FSHR: variants seen among roughly 807,000 people sequenced by gnomAD.
The protein encoded by FSHR is follicle-stimulating hormone receptor.
FSHR carries 46 observed loss-of-function variants against 52.1 expected under a neutral mutation model. That is an observed-to-expected ratio of 0.88 (90% CI 0.70 to 1.13). The LOEUF (loss-of-function observed/expected upper bound fraction) is 1.13. Among genes scored for constraint, FSHR ranks in the 50% most tolerant of loss-of-function variants. The probability of loss-of-function intolerance (pLI) is 0.00; values close to 1 mark genes in which losing one functional copy is unlikely to be tolerated. For synonymous variants in FSHR, 399 were observed against 309.6 expected, an observed-to-expected ratio of 1.29 and a Z score of -3.03; for missense variants, 964 against 834.6, an observed-to-expected ratio of 1.16 and a Z score of -1.91.
At chr2:49,100,916 G>T (rs1283546295) in intron 1 of FSHR, among the ~76,000 whole-genome samples, 1 of 152,176 alleles carries the variant, frequency 6.6e-6, no homozygotes, top group Non-Finnish European at 1.5e-5. Context: ...TGATCAGGGA[G>T]CTTCAAGGAG....
chr2:49,073,398 C>T (rs1477469270), intron 1 of FSHR, among the ~76,000 whole-genome samples: 1 of 151,956 alleles, frequency 6.6e-6, no homozygotes, highest in East Asian at 1.9e-4. Flanking sequence ...AGTAGCATTT[C>T]AATACATAAA....
intron 1 of FSHR, among the ~76,000 whole-genome samples, chr2:49,077,738 A>G (rs1670000284): frequency 1.3e-5 from 2 of 152,194 alleles, no homozygotes; most frequent in African/African-American, 2.4e-5. Flanking sequence ...TTCTTCCACC[A>G]GATACCCTAC....
At chr2:48,973,405 A>G (rs954030207) in intron 8 of FSHR, among the ~76,000 whole-genome samples, 5 of 152,230 alleles carry the variant, frequency 3.3e-5, no homozygotes, top group Non-Finnish European at 7.3e-5. Flanking sequence ...CATTGCATGG[A>G]TCAGGGCCAG....
chr2:48,969,388 A>G (rs1559077700), intron 8 of FSHR, among the ~76,000 whole-genome samples: 1 of 152,238 alleles, frequency 6.6e-6, no homozygotes, highest in Non-Finnish European at 1.5e-5. Flanking sequence ...GGGCAGTGTT[A>G]GCACAAAGTC....
At chr2:48,999,527 A>T (rs561119273) in intron 4 of FSHR, among the ~76,000 whole-genome samples, 63 of 152,234 alleles carry the variant, frequency 4.1e-4, no homozygotes, top group South Asian at 3.7e-3. Context: ...CTCTGCAACC[A>T]TAGAATTACT....
At chr2:48,973,316 C>T (rs936831436) in intron 8 of FSHR, among the ~76,000 whole-genome samples, 16 of 149,414 alleles carry the variant, frequency 1.1e-4, no homozygotes, top group African/African-American at 4.1e-4. Context: ...ACCCAATAAA[C>T]ACAGATGTGT....
chr2:49,112,054 A>AT (rs944845219), intron 1 of FSHR, among the ~76,000 whole-genome samples: 5 of 151,902 alleles, frequency 3.3e-5, no homozygotes, highest in African/African-American at 7.3e-5. Context: ...TCTCTTACAC[A>AT]TTTTTTTTCA....
chr2:49,068,128 A>T, intron 2 of FSHR, 91 bp downstream of exon 2: 2 of 957,072 alleles, frequency 2.1e-6, no homozygotes, highest in Non-Finnish European at 3.4e-6. Context: ...CAGTTCGGCT[A>T]CTAAGTGCAG....
At chr2:49,132,653 T>C (rs1672324333) in intron 1 of FSHR, among the ~76,000 whole-genome samples, 1 of 152,136 alleles carries the variant, frequency 6.6e-6, no homozygotes, top group South Asian at 2.1e-4. Context: ...AACATTTATT[T>C]CCTCCTGGCT....
chr2:48,971,917 C>T (rs1674759130), intron 8 of FSHR, among the ~76,000 whole-genome samples: 1 of 152,302 alleles, frequency 6.6e-6, no homozygotes, highest in African/African-American at 2.4e-5. Context: ...CCAATGAACT[C>T]AGTGCCTAGA....
intron 2 of FSHR, among the ~76,000 whole-genome samples, chr2:49,041,642 A>G (rs371757948): frequency 4.6e-5 from 7 of 152,168 alleles, no homozygotes; most frequent in African/African-American, 1.7e-4. Context: ...GGGTCTTTCA[A>G]TTCTGGAATT....
At chr2:49,031,077 C>G (rs949134749) in intron 2 of FSHR, among the ~76,000 whole-genome samples, 18 of 152,280 alleles carry the variant, frequency 1.2e-4, no homozygotes, top group African/African-American at 4.1e-4. Context: ...CAACCTGGTT[C>G]AGTATATTTT....
At position 48,989,019 on chromosome 2, in the gene FSHR, T is replaced by G. The variant is rs1449020082; in HGVS notation, c.482A>C (p.Glu161Ala). 2 of 1,614,026 alleles carry G rather than the reference T, an allele frequency of 1.2e-6. No individual in the cohort carries two copies. The highest frequency in any genetic ancestry group is 2.2e-5 in the South Asian group (2 of 91,070). The change falls in exon 6 of 10, where the codon GAA becomes GCA. Residue 161 changes from glutamate (E) to alanine (A), a missense_variant. Glu to Ala is a moderately radical substitution (Grantham distance 107). Transcript: ENST00000406846. Reference protein sequence around the residue: ...IQDNINIHTIERNSFVGLSFE... With the variant: ...IQDNINIHTIARNSFVGLSFE... The stretch of plus-strand genomic sequence containing the variant: ...GCTCAGCCCCACGAAAGAATTTCTT[T>G]CAATTGTGTGGATGTTTATGTTATC...
intron 1 of FSHR, among the ~76,000 whole-genome samples, chr2:49,146,886 A>G (rs1189399015): frequency 2.0e-5 from 3 of 152,050 alleles, no homozygotes; most frequent in Non-Finnish European, 4.4e-5. Context: ...AGAAAGATAC[A>G]AAAATGGGCT....
At chr2:49,059,646 C>T (rs1488000194) in intron 2 of FSHR, 1 of 152,522 alleles carries the variant, frequency 6.6e-6, no homozygotes, top group Non-Finnish European at 1.5e-5. Context: ...ATGGCAAAAA[C>T]TGCAATTACT....
chr2:49,093,569 C>T (rs1670697043), intron 1 of FSHR, among the ~76,000 whole-genome samples: 1 of 151,028 alleles, frequency 6.6e-6, no homozygotes, highest in African/African-American at 2.4e-5. Context: ...CCTTTTATTC[C>T]AGCCTTTCTA....
At chr2:49,037,990 C>T (rs986960650) in intron 2 of FSHR, among the ~76,000 whole-genome samples, 5 of 151,836 alleles carry the variant, frequency 3.3e-5, no homozygotes, top group African/African-American at 1.2e-4. Flanking sequence ...AATCTGAAAA[C>T]CCACCAGAGA....
chr2:48,993,743 T>C (rs1279116377), intron 4 of FSHR, among the ~76,000 whole-genome samples: 2 of 152,194 alleles, frequency 1.3e-5, no homozygotes, highest in African/African-American at 4.8e-5. Context: ...CCCTGTGGCT[T>C]TCTTTCAGTT....
chr2:49,074,580 G>T (rs1272842896), intron 1 of FSHR, among the ~76,000 whole-genome samples: 1 of 151,996 alleles, frequency 6.6e-6, no homozygotes, highest in Non-Finnish European at 1.5e-5. Flanking sequence ...AAATAAACTA[G>T]TACAGACACT....
Sources: gnomAD v4.1 joint callset for allele counts (sites outside exome capture counted in the v4.1 genomes callset) on GRCh38, gnomAD v4.1.1 for gene constraint, MANE v1.5 for transcripts, NCBI Gene and HGNC (gene_info 2026-07-23, HGNC 2026-07-21) for gene names.